Variants in DNAJC3 observed in about 807,000 individuals in gnomAD.
The protein encoded by DNAJC3 is DnaJ heat shock protein family (Hsp40) member C3, also known as dnaJ homolog subfamily C member 3.
A neutral mutation model predicts 68.6 loss-of-function variants in DNAJC3; 38 were observed. The observed-to-expected ratio is 0.55, with a 90% CI of 0.43 to 0.73. DNAJC3 has a LOEUF of 0.73. DNAJC3 is among the 30% of genes least tolerant of loss of function. The pLI is 0.00. For missense variants in DNAJC3, 526 were observed against 591.9 expected, an observed-to-expected ratio of 0.89 and a Z score of 1.16; for synonymous variants, 203 against 204.0, an observed-to-expected ratio of 1.00 and a Z score of 0.04.
intron 11 of DNAJC3, among the ~76,000 whole-genome samples, chr13:95,788,524 G>C (rs17878939): frequency 6.6e-6 from 1 of 152,166 alleles, no homozygotes; most frequent in South Asian, 2.1e-4. Context: ...CATATATCAA[G>C]ACGTGTCATA....
intron 4 of DNAJC3, among the ~76,000 whole-genome samples, chr13:95,736,665 G>T (rs1356499862): frequency 2.0e-5 from 3 of 151,418 alleles, no homozygotes; most frequent in Non-Finnish European, 4.4e-5. Context: ...TTTGTACATT[G>T]ATTTTGTATC....
At chr13:95,775,241 T>C (rs1212528051) in intron 9 of DNAJC3, among the ~76,000 whole-genome samples, 6 of 152,230 alleles carry the variant, frequency 3.9e-5, no homozygotes, top group African/African-American at 1.4e-4. Flanking sequence ...AACGACGTTT[T>C]AAATAAATTT....
chr13:95,758,041 A>G (rs1444173973), intron 5 of DNAJC3, among the ~76,000 whole-genome samples: 2 of 152,170 alleles, frequency 1.3e-5, no homozygotes, highest in African/African-American at 4.8e-5. Context: ...TTGCTTTGCT[A>G]TTTTAGTTGA....
At chr13:95,698,835 A>G (rs1017141659) in intron 1 of DNAJC3, among the ~76,000 whole-genome samples, 24 of 152,356 alleles carry the variant, frequency 1.6e-4, no homozygotes, top group African/African-American at 4.8e-4. Context: ...TTATAGGAGT[A>G]TAAAGTAAGA....
At chr13:95,689,957 C>A (rs1880182526) in intron 1 of DNAJC3, among the ~76,000 whole-genome samples, 1 of 151,632 alleles carries the variant, frequency 6.6e-6, no homozygotes, top group Non-Finnish European at 1.5e-5. Flanking sequence ...TCAAGAAATA[C>A]TTGATATGAT....
chr13:95,684,748 C>T (rs1470909968), intron 1 of DNAJC3, among the ~76,000 whole-genome samples: 1 of 152,206 alleles, frequency 6.6e-6, no homozygotes, highest in African/African-American at 2.4e-5. Context: ...GACACTGCTG[C>T]CTGCATCCTA....
Position 95,792,430 on chromosome 13 carries a change from G to C in DNAJC3, c.*1400G>C, listed in dbSNP as rs1027994879. 6.6e-6 allele frequency: 1 copy of C among 152,136 alleles called. No homozygotes were observed. The highest frequency in any genetic ancestry group is 2.4e-5 in the African/African-American group (1 of 41,424). 9.4% of individuals were successfully genotyped at this position (152,136 alleles called of 1,614,324 possible). On this transcript the variant is annotated 3_prime_UTR_variant, in exon 12 of 12. Transcript: ENST00000602402. ...TTTCTGCCTCAAAGCATTTTGAAGT[G>C]TTTTAACCATTAAAGGGTCTAATTT...
chr13:95,690,514 C>A (rs74942518), intron 1 of DNAJC3, among the ~76,000 whole-genome samples: 1 of 149,124 alleles, frequency 6.7e-6, no homozygotes, highest in Non-Finnish European at 1.5e-5. Flanking sequence ...ACCTCCCAGA[C>A]GGGGTGGTGG....
chr13:95,788,503 T>G (rs1168334391), intron 11 of DNAJC3, among the ~76,000 whole-genome samples: 1 of 152,238 alleles, frequency 6.6e-6, no homozygotes, highest in Non-Finnish European at 1.5e-5. Flanking sequence ...ACTTTAAAGT[T>G]TTTTACTATG....
intron 1 of DNAJC3, among the ~76,000 whole-genome samples, chr13:95,705,941 C>G (rs2139621802): frequency 6.6e-6 from 1 of 152,272 alleles, no homozygotes; most frequent in Middle Eastern, 3.4e-3. Context: ...TAAATCCAGT[C>G]CAACCTTCCT....
chr13:95,728,033 T>C (rs1003698678), intron 4 of DNAJC3, among the ~76,000 whole-genome samples: 1 of 152,216 alleles, frequency 6.6e-6, no homozygotes, highest in African/African-American at 2.4e-5. Flanking sequence ...AATTGACTCT[T>C]TTTACTCAGT....
intron 7 of DNAJC3, among the ~76,000 whole-genome samples, chr13:95,763,284 G>A (rs1882877568): frequency 6.6e-6 from 1 of 152,158 alleles, no homozygotes; most frequent in South Asian, 2.1e-4. Context: ...CTTGATCTCT[G>A]TATTGTTCAA....
chr13:95,742,682 G>C (rs774560643), intron 4 of DNAJC3: 109 of 518,810 alleles, frequency 2.1e-4, no homozygotes, highest in Non-Finnish European at 3.0e-4. Context: ...TCTCCTAGAT[G>C]ATCTATACTT....
chr13:95,775,166 G>GCAGT (rs1167173041), intron 9 of DNAJC3, among the ~76,000 whole-genome samples: 1 of 152,206 alleles, frequency 6.6e-6, no homozygotes, highest in Non-Finnish European at 1.5e-5. Flanking sequence ...CTGGCCTCAA[G>GCAGT]CAGTCCTCCT....
At chr13:95,785,174 C>G (rs896105221) in intron 9 of DNAJC3, among the ~76,000 whole-genome samples, 1 of 152,058 alleles carries the variant, frequency 6.6e-6, no homozygotes, top group African/African-American at 2.4e-5. Flanking sequence ...GCCAAACCCA[C>G]CTCCTGATCC....
chr13:95,781,822 T>TA (rs1445758822), intron 9 of DNAJC3, among the ~76,000 whole-genome samples: 58 of 151,918 alleles, frequency 3.8e-4, no homozygotes, highest in Non-Finnish European at 6.9e-4. Flanking sequence ...TTTTTTTTTT[T>TA]ACTTTAAGTT....
intron 1 of DNAJC3, among the ~76,000 whole-genome samples, chr13:95,707,712 A>G (rs1480593574): frequency 2.0e-5 from 3 of 152,210 alleles, no homozygotes; most frequent in African/African-American, 7.2e-5. Flanking sequence ...TTAAGTTGTG[A>G]TAGGAGAGTA....
chr13:95,753,982 T>C (rs2139669352), intron 4 of DNAJC3, among the ~76,000 whole-genome samples: 1 of 152,310 alleles, frequency 6.6e-6, no homozygotes, highest in Non-Finnish European at 1.5e-5. Context: ...CACTGAGAAA[T>C]GGTAAAACTT....
chr13:95,788,635 G>A (rs1222236577), intron 11 of DNAJC3, among the ~76,000 whole-genome samples: 1 of 152,022 alleles, frequency 6.6e-6, no homozygotes, highest in Non-Finnish European at 1.5e-5. Flanking sequence ...ATTGAAAAAT[G>A]GTTACCTCAT....
Sources: gnomAD v4.1 joint callset for allele counts (sites outside exome capture counted in the v4.1 genomes callset) on GRCh38, gnomAD v4.1.1 for gene constraint, MANE v1.5 for transcripts, NCBI Gene and HGNC (gene_info 2026-07-23, HGNC 2026-07-21) for gene names.